LAMA2: variants seen among roughly 807,000 people sequenced by gnomAD.
The protein encoded by LAMA2 is laminin subunit alpha-2.
A neutral mutation model predicts 364.8 loss-of-function variants in LAMA2; 269 were observed. That is an observed-to-expected ratio of 0.74 (90% confidence interval 0.67 to 0.82). The LOEUF (loss-of-function observed/expected upper bound fraction) is 0.82. Among genes scored for constraint, LAMA2 ranks in the 40% least tolerant of loss-of-function variants. The pLI is 0.00. For synonymous variants in LAMA2, 1,379 were observed against 1,370.6 expected (o/e 1.01, Z -0.14); for missense variants, 3,807 against 3,873.2 (o/e 0.98, Z 0.45).
At chr6:129,339,221 A>T (rs1206395341) in intron 29 of LAMA2, among the ~76,000 whole-genome samples, 1 of 152,222 alleles carries the variant, frequency 6.6e-6, no homozygotes, top group Non-Finnish European at 1.5e-5. Flanking sequence ...AAATAGTAGC[A>T]ACAAGAAAGT....
At chr6:129,181,260 G>A (rs1000468773) in intron 10 of LAMA2, among the ~76,000 whole-genome samples, 6 of 151,878 alleles carry the variant, frequency 4.0e-5, no homozygotes, top group African/African-American at 1.5e-4. Context: ...GTACACAAAA[G>A]GAAAATAACT....
At position 129,314,645 on chromosome 6, in the gene LAMA2, C is replaced by A; in HGVS notation, c.3412-10C>A. Reference sequence around the variant, plus strand: ...GTTATAAACTCTGAGGGTCTCTTGTCTTTCCTCAGGTGAATGTGGAAGGCA... The same window carrying A: ...GTTATAAACTCTGAGGGTCTCTTGTATTTCCTCAGGTGAATGTGGAAGGCA... On this transcript the variant is annotated splice_polypyrimidine_tract_variant and intron_variant, in intron 23 of 64. Transcript: ENST00000421865. The A allele has an allele frequency of 6.2e-7, 1 of 1,613,162 alleles. No individual in the cohort carries two copies. Among genetic ancestry groups the A allele is most frequent in the Non-Finnish European group, 8.5e-7 (1 of 1,179,858 alleles).
intron 11 of LAMA2, among the ~76,000 whole-genome samples, 168 bp downstream of exon 11, chr6:129,190,513 T>G (rs557298828): frequency 1.3e-5 from 2 of 152,328 alleles, no homozygotes; most frequent in East Asian, 3.9e-4. Context: ...GCTCAAAGCC[T>G]TTGAGGTTGT....
intron 29 of LAMA2, among the ~76,000 whole-genome samples, chr6:129,337,880 A>G (rs889525054): frequency 6.6e-6 from 1 of 152,166 alleles, no homozygotes; most frequent in African/African-American, 2.4e-5. Flanking sequence ...TATAAGAAAA[A>G]ATACTATGTA....
intron 1 of LAMA2, among the ~76,000 whole-genome samples, chr6:128,911,361 C>T (rs578008798): frequency 2.6e-5 from 4 of 152,152 alleles, no homozygotes; most frequent in African/African-American, 4.8e-5. Context: ...TTAAGCCCGT[C>T]GGAAAGGCGC....
intron 43 of LAMA2, 200 bp from the exon 44 acceptor site, chr6:129,442,863 C>A: frequency 1.8e-6 from 1 of 560,812 alleles, no homozygotes; most frequent in South Asian, 2.4e-5. Context: ...TTTTAAAATA[C>A]AAATAGTGGC....
intron 12 of LAMA2, among the ~76,000 whole-genome samples, chr6:129,209,877 A>G (rs916437320): frequency 3.3e-5 from 5 of 151,590 alleles, no homozygotes; most frequent in South Asian, 2.1e-4. Flanking sequence ...GGTAGCGGGC[A>G]CCTGTAATCC....
At chr6:129,202,254 G>A (rs1312759201) in intron 12 of LAMA2, among the ~76,000 whole-genome samples, 1 of 151,228 alleles carries the variant, frequency 6.6e-6, no homozygotes, top group Non-Finnish European at 1.5e-5. Flanking sequence ...CAAAGATAAG[G>A]AAGAATAGTT....
rs1202325495 is a variant in LAMA2, at chr6:129,050,068, A to G, written c.263A>G (p.Gln88Arg). ...VRNPQCRICN[Q>R]NSSNPNQRHP... is the part of the protein sequence containing the mutation. The stretch of plus-strand genomic sequence containing the variant: ...AACCCGCAGTGTCGAATCTGCAATC[A>G]AAACAGCAGCAATCCAAACCGTATG... Residue 88 changes from glutamine to arginine, a missense_variant, in exon 2 of 65, where the codon CAA becomes CGA. Gln to Arg is a conservative substitution (Grantham distance 43). Transcript: ENST00000421865. 1 of 1,614,206 alleles carries G rather than the reference A, an allele frequency of 6.2e-7. No homozygotes were observed. Among genetic ancestry groups the G allele is most frequent in the East Asian group, 2.2e-5 (1 of 44,882 alleles).
chr6:129,109,995 G>A (rs369346844), intron 4 of LAMA2, among the ~76,000 whole-genome samples: 251 of 151,950 alleles, frequency 1.7e-3, no homozygotes, highest in African/African-American at 5.8e-3. Context: ...TTCATTGTGT[G>A]GACCTGTTAC....
chr6:129,025,834 T>A (rs563083205), intron 1 of LAMA2, among the ~76,000 whole-genome samples: 1 of 152,318 alleles, frequency 6.6e-6, no homozygotes, highest in South Asian at 2.1e-4. Context: ...TATAGTGATT[T>A]CTTTTTGGTG....
At position 129,049,960 on chromosome 6, in the gene LAMA2, T is replaced by C. The variant is rs1380745222; in HGVS notation, c.155T>C (p.Ile52Thr). ...CTGAATCTTGCTTCTAATGCTCTTA[T>C]CACGACCAATGCAACATGTGGAGAA... ...AVLNLASNAL[I>T]TTNATCGEKG... The change falls in exon 2 of 65, where the codon ATC (isoleucine) becomes ACC (threonine). Residue 52 changes from isoleucine to threonine, a missense_variant. By Grantham distance (89) the Ile-to-Thr change is moderately conservative. Around this residue, in one of 3 missense-constraint regions of LAMA2, gnomAD observed 394 missense variants for 403.5 expected, o/e 0.98. Coordinates refer to ENST00000421865, the MANE Select transcript of LAMA2 (RefSeq NM_000426.4). 6.2e-7 allele frequency: 1 copy of C among 1,614,070 alleles called. No homozygotes were observed. Among genetic ancestry groups the C allele is most frequent in the Non-Finnish European group, 8.5e-7 (1 of 1,179,930 alleles).
At chr6:129,032,216 G>A (rs756336208) in intron 1 of LAMA2, among the ~76,000 whole-genome samples, 9 of 152,196 alleles carry the variant, frequency 5.9e-5, no homozygotes, top group Non-Finnish European at 1.3e-4. Flanking sequence ...AACATACATA[G>A]TCTCTCCCAT....
chr6:129,408,576 T>G (rs6903654), intron 40 of LAMA2, among the ~76,000 whole-genome samples: 76,228 of 151,946 alleles, frequency 0.5, 19,615 homozygotes, highest in African/African-American at 0.62. Context: ...GCCTATTCCA[T>G]TGAGGACAAA....
chr6:129,333,958 T>TA (rs1351503722), intron 29 of LAMA2, among the ~76,000 whole-genome samples: 21 of 152,168 alleles, frequency 1.4e-4, no homozygotes, highest in Non-Finnish European at 2.6e-4. Flanking sequence ...CTAGATGAAG[T>TA]AAAAAATAAA....
intron 40 of LAMA2, among the ~76,000 whole-genome samples, chr6:129,405,453 T>C (rs984049418): frequency 1.3e-5 from 2 of 152,148 alleles, no homozygotes. Context: ...CACCCATGCT[T>C]ATACATGGTA....
intron 32 of LAMA2, among the ~76,000 whole-genome samples, chr6:129,364,402 A>C (rs1777642895): frequency 6.6e-6 from 1 of 152,154 alleles, no homozygotes. Flanking sequence ...CCCCTATTCT[A>C]ACATGTATAT....
chr6:128,894,707 A>T (rs1776657140), intron 1 of LAMA2, among the ~76,000 whole-genome samples: 3 of 152,242 alleles, frequency 2.0e-5, no homozygotes, highest in Admixed American at 2.0e-4. Context: ...CATCAAGTAC[A>T]TTCATCTGTG....
intron 12 of LAMA2, among the ~76,000 whole-genome samples, chr6:129,236,516 T>C (rs1784991628): frequency 1.3e-5 from 2 of 152,200 alleles, no homozygotes; most frequent in Non-Finnish European, 2.9e-5. Flanking sequence ...TGTTTCATTT[T>C]GCAGGTGCCA....
Sources: allele counts gnomAD v4.1 joint callset (sites outside exome capture counted in the v4.1 genomes callset), GRCh38; gene constraint gnomAD v4.1.1; regional missense constraint gnomAD v4.1.1; transcripts MANE v1.5; gene names NCBI Gene and HGNC (gene_info 2026-07-23, HGNC 2026-07-21).